Variants in LARGE1 observed in about 807,000 individuals in gnomAD.
LARGE1 encodes xylosyl- and glucuronyltransferase LARGE1.
Under a neutral mutation model 87.6 loss-of-function variants are expected in LARGE1, and 43 were observed. That is an observed-to-expected ratio of 0.49 (90% CI 0.38 to 0.63). LARGE1 has a LOEUF of 0.63. LARGE1 is among the 30% of genes least tolerant of loss of function. The pLI is 0.00. For synonymous variants in LARGE1, 434 were observed against 394.6 expected, an observed-to-expected ratio of 1.10 and a Z score of -1.18; for missense variants, 802 against 1,000.2, an observed-to-expected ratio of 0.80 and a Z score of 2.67.
intron 2 of LARGE1, among the ~76,000 whole-genome samples, chr22:33,674,965 G>A (rs897167389): frequency 6.6e-6 from 1 of 151,618 alleles, no homozygotes; most frequent in Non-Finnish European, 1.5e-5. Context: ...ATATAGTAGG[G>A]GCTCAGAAAA....
intron 1 of LARGE1, among the ~76,000 whole-genome samples, chr22:33,878,129 C>CTTTTTTTTGTTTTTTTTTTT (rs2064532835): frequency 2.2e-5 from 1 of 44,652 alleles, no homozygotes; most frequent in Non-Finnish European, 5.1e-5. Flanking sequence ...TATTGTATTT[C>CTTTTTTTTGTTTTTTTTTTT]TTTTTTTTTT....
At chr22:33,879,669 G>T (rs1328301594) in intron 1 of LARGE1, among the ~76,000 whole-genome samples, 1 of 152,100 alleles carries the variant, frequency 6.6e-6, no homozygotes. Flanking sequence ...CTCCCTTTTA[G>T]TAAAATTAAT....
chr22:33,440,325 A>G (rs2067420572), intron 6 of LARGE1, among the ~76,000 whole-genome samples: 1 of 152,200 alleles, frequency 6.6e-6, no homozygotes, highest in South Asian at 2.1e-4. Context: ...CCAGGTAAAC[A>G]CCAGGAACAG....
At chr22:33,192,699 T>C (rs1008378001) in intron 11 of LARGE1, among the ~76,000 whole-genome samples, 1 of 151,844 alleles carries the variant, frequency 6.6e-6, no homozygotes, top group Non-Finnish European at 1.5e-5. Flanking sequence ...CTATTTTTGC[T>C]TTTGTGGCCT....
intron 4 of LARGE1, among the ~76,000 whole-genome samples, chr22:33,619,633 G>A (rs1237045169): frequency 2.6e-5 from 4 of 151,832 alleles, no homozygotes; most frequent in African/African-American, 9.7e-5. Context: ...GAGAAGCTCA[G>A]ATTCTGAAGC....
intron 6 of LARGE1, among the ~76,000 whole-genome samples, chr22:33,437,226 T>C (rs2067302848): frequency 6.6e-6 from 1 of 152,180 alleles, no homozygotes; most frequent in African/African-American, 2.4e-5. Flanking sequence ...GACTGGCACA[T>C]AATAAACTCA....
At chr22:33,116,773 A>T in the LARGE1 span, among the ~76,000 whole-genome samples, 1 of 152,136 alleles carries the variant, frequency 6.6e-6, no homozygotes, top group Non-Finnish European at 1.5e-5. Context: ...AGGTTTTCAT[A>T]AAGTGGGGGT....
chr22:33,619,554 CA>C (rs553269111), intron 4 of LARGE1, among the ~76,000 whole-genome samples: 3,909 of 59,066 alleles, frequency 0.066, 107 homozygotes, highest in African/African-American at 0.18. Context: ...GACTCTGTCT[CA>C]AAAAAAAAAA....
chr22:33,290,252 C>T (rs1932292081), intron 12 of LARGE1, among the ~76,000 whole-genome samples: 1 of 152,144 alleles, frequency 6.6e-6, no homozygotes, highest in African/African-American at 2.4e-5. Context: ...AGGTTCCTGG[C>T]ATGAAGAGAT....
chr22:33,263,211 A>G, intron 11 of LARGE1, among the ~76,000 whole-genome samples: 1 of 152,168 alleles, frequency 6.6e-6, no homozygotes, highest in East Asian at 1.9e-4. Flanking sequence ...TTCTTTGACC[A>G]TAAATTCCTA....
At chr22:33,615,339 A>G (rs2149029814) in intron 4 of LARGE1, among the ~76,000 whole-genome samples, 1 of 152,180 alleles carries the variant, frequency 6.6e-6, no homozygotes, top group East Asian at 1.9e-4. Context: ...TCAAATGCCC[A>G]CAGCTTGACA....
At chr22:33,358,038 G>T (rs889929758) in intron 9 of LARGE1, among the ~76,000 whole-genome samples, 1 of 152,286 alleles carries the variant, frequency 6.6e-6, no homozygotes, top group East Asian at 1.9e-4. Context: ...CTGGGGGAAT[G>T]AGAGATCCCG....
At chr22:33,178,222 T>C (rs985818946) in intron 11 of LARGE1, among the ~76,000 whole-genome samples, 1 of 152,200 alleles carries the variant, frequency 6.6e-6, no homozygotes, top group Non-Finnish European at 1.5e-5. Context: ...TATTGAGCAG[T>C]GTCCATACAC....
chr22:33,473,330 G>A lies in LARGE1; in HGVS notation c.788-41065C>T, dbSNP rs150100317. Among the ~76,000 whole-genome samples, 585 of 151,704 alleles carry A rather than the reference G, an allele frequency of 3.9e-3. 2 individuals are homozygous for A. Among genetic ancestry groups the A allele is most frequent in the African/African-American group, 0.013 (551 of 41,382 alleles). ...ATTAAAGGCACCCACCACCATGCCC[G>A]GGTAGTTCTTTTTATTTTTTATTTT... is the stretch of plus-strand genomic sequence containing the variant. On this transcript the variant is annotated intron_variant, in intron 6 of 14. Transcript: ENST00000397394.
At chr22:33,769,684 C>T (rs998202464) in intron 1 of LARGE1, among the ~76,000 whole-genome samples, 2 of 152,206 alleles carry the variant, frequency 1.3e-5, no homozygotes, top group Admixed American at 1.3e-4. Flanking sequence ...CTTCCTCTCA[C>T]GTCATTCTGC....
chr22:33,546,908 G>C (rs989556), intron 6 of LARGE1, among the ~76,000 whole-genome samples: 8 of 152,024 alleles, frequency 5.3e-5, no homozygotes, highest in Non-Finnish European at 1.0e-4. Context: ...TTACAAACTC[G>C]GTACTGATTT....
chr22:33,110,919 CA>C, the LARGE1 span, among the ~76,000 whole-genome samples: 1 of 152,032 alleles, frequency 6.6e-6, no homozygotes. Flanking sequence ...ATAAAAACAA[CA>C]AAGGGGAAAA....
chr22:33,274,690 A>G, intron 14 of LARGE1, 66 bp from the exon 15 acceptor site: 1 of 1,400,756 alleles, frequency 7.1e-7, no homozygotes, highest in Non-Finnish European at 1.0e-6. Context: ...TGAAGGCCCA[A>G]GCGAATGATT....
chr22:33,433,597 A>G (rs1052615319), intron 6 of LARGE1, among the ~76,000 whole-genome samples: 1 of 145,414 alleles, frequency 6.9e-6, no homozygotes, highest in African/African-American at 2.6e-5. Flanking sequence ...CTCCGTCTCA[A>G]AAAACAAAAC....
Sources: gnomAD v4.1 joint callset for allele counts (sites outside exome capture counted in the v4.1 genomes callset) on GRCh38, gnomAD v4.1.1 for gene constraint, MANE v1.5 for transcripts, NCBI Gene and HGNC (gene_info 2026-07-23, HGNC 2026-07-21) for gene names.